NLGN1: variants seen among roughly 807,000 people sequenced by gnomAD.
NLGN1 encodes neuroligin-1.
Under a neutral mutation model 65.5 loss-of-function variants are expected in NLGN1, and 12 were observed. The ratio of observed to expected loss-of-function variants is 0.18; its 90% CI spans 0.12 to 0.30. The LOEUF is 0.30. Among genes scored for constraint, NLGN1 ranks in the 10% least tolerant of loss-of-function variants. The pLI is 1.00. For synonymous variants in NLGN1, 350 were observed against 359.5 expected, an observed-to-expected ratio of 0.97 and a Z score of 0.30; for missense variants, 750 against 1,007.1, an observed-to-expected ratio of 0.74 and a Z score of 3.46.
chr3:174,234,730 G>T (rs1450975737), intron 4 of NLGN1, among the ~76,000 whole-genome samples: 1 of 152,092 alleles, frequency 6.6e-6, no homozygotes, highest in East Asian at 1.9e-4. Flanking sequence ...GCCCTCTCCT[G>T]CTCTGTTCAT....
At chr3:173,783,200 A>G (rs1781446695) in intron 3 of NLGN1, among the ~76,000 whole-genome samples, 1 of 152,122 alleles carries the variant, frequency 6.6e-6, no homozygotes, top group East Asian at 1.9e-4. Flanking sequence ...TTTGGTTTTT[A>G]TTGTTTGGAT....
intron 2 of NLGN1, among the ~76,000 whole-genome samples, chr3:173,495,398 T>C (rs1187093420): frequency 1.3e-5 from 2 of 151,714 alleles, no homozygotes; most frequent in Non-Finnish European, 2.9e-5. Context: ...CCTTTGGATA[T>C]TCTATGTAAA....
chr3:173,614,184 G>T (rs965549252), intron 3 of NLGN1, among the ~76,000 whole-genome samples: 1 of 152,012 alleles, frequency 6.6e-6, no homozygotes, highest in African/African-American at 2.4e-5. Context: ...TAATTGGAAA[G>T]TGAAAGAAGG....
intron 4 of NLGN1, among the ~76,000 whole-genome samples, chr3:173,823,344 G>A (rs1377840035): frequency 6.6e-6 from 1 of 151,992 alleles, no homozygotes. Context: ...AGAAAAAATA[G>A]ATAAAATTAG....
chr3:173,492,056 A>C (rs1186856718), intron 2 of NLGN1, among the ~76,000 whole-genome samples: 2 of 151,848 alleles, frequency 1.3e-5, no homozygotes, highest in African/African-American at 4.9e-5. Flanking sequence ...TATGAGAGCA[A>C]GATAGACAGA....
At chr3:173,473,480 T>A (rs192066670) in intron 2 of NLGN1, among the ~76,000 whole-genome samples, 209 of 152,292 alleles carry the variant, frequency 1.4e-3, no homozygotes, top group African/African-American at 4.8e-3. Flanking sequence ...TTTCCCTTTT[T>A]TAACCTTCAA....
At chr3:173,476,785 A>T (rs114294802) in intron 2 of NLGN1, among the ~76,000 whole-genome samples, 1 of 152,338 alleles carries the variant, frequency 6.6e-6, no homozygotes, top group Non-Finnish European at 1.5e-5. Context: ...GATAATAGAT[A>T]ATAGAACATT....
intron 2 of NLGN1, among the ~76,000 whole-genome samples, chr3:173,591,380 C>G (rs1679991468): frequency 1.3e-5 from 2 of 152,120 alleles, no homozygotes; most frequent in Non-Finnish European, 2.9e-5. Flanking sequence ...TCCTTTGGAT[C>G]ACTGGTTGAG....
intron 4 of NLGN1, among the ~76,000 whole-genome samples, chr3:174,117,421 C>T (rs898622632): frequency 1.3e-5 from 2 of 151,884 alleles, no homozygotes; most frequent in Non-Finnish European, 2.9e-5. Context: ...TCGAGACCAT[C>T]CTGGCTAACA....
At chr3:173,989,682 A>G (rs755579220) in intron 4 of NLGN1, among the ~76,000 whole-genome samples, 1 of 152,226 alleles carries the variant, frequency 6.6e-6, no homozygotes, top group Non-Finnish European at 1.5e-5. Flanking sequence ...AAGAAGACTC[A>G]TGGGTTGCAG....
chr3:174,130,334 G>T (rs1021997314), intron 4 of NLGN1, among the ~76,000 whole-genome samples: 1 of 152,016 alleles, frequency 6.6e-6, no homozygotes, highest in Non-Finnish European at 1.5e-5. Flanking sequence ...AGATCGCGCC[G>T]TTGCACTCCA....
In NLGN1 at chr3:174,027,910, C is replaced by G. The variant is rs561757985; in HGVS notation, c.646+220078C>G. Among the ~76,000 whole-genome samples the G allele has an allele frequency of 2.1e-4, 32 of 152,178 alleles. No individual in the cohort carries two copies. In the East Asian group the frequency reaches 5.8e-3, roughly 28 times the overall value. The stretch of plus-strand genomic sequence containing the variant: ...AATCTCCATGTGTCAAGGGTGGGGC[C>G]AGGTGGAGATAATTGAATCATGAGG... On this transcript the variant is annotated intron_variant, in intron 4 of 6. Coordinates refer to ENST00000457714, the Ensembl canonical transcript of NLGN1.
intron 4 of NLGN1, among the ~76,000 whole-genome samples, chr3:173,824,793 A>G (rs1054400326): frequency 6.6e-6 from 1 of 152,200 alleles, no homozygotes; most frequent in Middle Eastern, 3.4e-3. Context: ...AATGCTCCGT[A>G]TCTATAGGAA....
At chr3:174,249,031 C>A (rs1744307338) in intron 4 of NLGN1, among the ~76,000 whole-genome samples, 1 of 152,136 alleles carries the variant, frequency 6.6e-6, no homozygotes, top group South Asian at 2.1e-4. Context: ...TTGTTAGGAA[C>A]CTTAGAGGGG....
chr3:174,148,501 T>G (rs1723755224), intron 4 of NLGN1, among the ~76,000 whole-genome samples: 1 of 152,196 alleles, frequency 6.6e-6, no homozygotes, highest in Non-Finnish European at 1.5e-5. Context: ...TTCTCTTTCC[T>G]ACTCTCTTGC....
At chr3:174,236,165 G>A (rs1311563788) in intron 4 of NLGN1, among the ~76,000 whole-genome samples, 1 of 152,098 alleles carries the variant, frequency 6.6e-6, no homozygotes, top group African/African-American at 2.4e-5. Context: ...CATACAATCA[G>A]TTTTGATAAA....
chr3:173,569,934 A>C (rs1488469441), intron 2 of NLGN1, among the ~76,000 whole-genome samples: 1 of 152,206 alleles, frequency 6.6e-6, no homozygotes, highest in Non-Finnish European at 1.5e-5. Context: ...TTCTTCTACA[A>C]ATTCTGATTA....
chr3:174,098,273 C>T (rs1711548336), intron 4 of NLGN1, among the ~76,000 whole-genome samples: 1 of 152,014 alleles, frequency 6.6e-6, no homozygotes, highest in African/African-American at 2.4e-5. Context: ...ACTCCATTAC[C>T]TATATTTCAC....
At chr3:174,253,929 T>C (rs775663463) in intron 4 of NLGN1, among the ~76,000 whole-genome samples, 7 of 152,286 alleles carry the variant, frequency 4.6e-5, no homozygotes, top group African/African-American at 1.2e-4. Context: ...CAGCAATAGA[T>C]TGGGGGCTTC....
Sources: gnomAD v4.1 joint callset for allele counts (sites outside exome capture counted in the v4.1 genomes callset) on GRCh38, gnomAD v4.1.1 for gene constraint, MANE v1.5 for transcripts, NCBI Gene and HGNC (gene_info 2026-07-23, HGNC 2026-07-21) for gene names.